ANKIB1: variants seen among roughly 807,000 people sequenced by gnomAD.
ANKIB1 encodes the protein ankyrin repeat and IBR domain containing 1.
Under a neutral mutation model 122.1 loss-of-function variants are expected in ANKIB1, and 43 were observed. The observed-to-expected ratio is 0.35, with a 90% CI of 0.28 to 0.45. ANKIB1 has a LOEUF of 0.45. Ranked by LOEUF, ANKIB1 falls within the 20% of genes least tolerant of loss-of-function variation. The probability of loss-of-function intolerance (pLI) is 1.00; values close to 1 mark genes in which losing one functional copy is unlikely to be tolerated. For synonymous variants in ANKIB1, 390 were observed against 442.0 expected (o/e 0.88, Z 1.48); for missense variants, 992 against 1,329.5 (o/e 0.75, Z 3.95).
rs188752223 is a variant in ANKIB1, at chr7:92,363,790, G to A, written c.1486+1517G>A. Among the ~76,000 whole-genome samples the A allele has an allele frequency of 7.2e-5, 11 of 152,074 alleles. No individual in the cohort carries two copies. The East Asian group carries it at 1.2e-3, about 17-fold the overall frequency. On this transcript the variant is annotated intron_variant, in intron 10 of 19. Transcript: ENST00000265742. ...CTGGTCCTCAGCATTTTAGATCTAC[G>A]AGGGTCATTTTGTCCACTGACTCAG...
At position 92,331,978 on chromosome 7, in the gene ANKIB1, G is replaced by A. The variant is rs544389309; in HGVS notation, c.787+4078G>A. The stretch of plus-strand genomic sequence containing the variant: ...TTTTTATCCCTATTTTTTACACATC[G>A]TATCGTTAAATATTATTAAATGATC... On this transcript the variant is annotated intron_variant, in intron 5 of 19. Coordinates refer to ENST00000265742, the MANE Select transcript of ANKIB1 (RefSeq NM_019004.2). Among the ~76,000 whole-genome samples the A allele has an allele frequency of 6.6e-5, 10 of 152,108 alleles. No individual in the cohort carries two copies. In the South Asian group the frequency reaches 1.0e-3, roughly 16 times the overall value.
intron 11 of ANKIB1, among the ~76,000 whole-genome samples, chr7:92,375,695 G>T (rs936406532): frequency 1.3e-5 from 2 of 152,090 alleles, no homozygotes; most frequent in Non-Finnish European, 2.9e-5. Context: ...TCCTGTTCAT[G>T]TTGATATTTT....
intron 8 of ANKIB1, among the ~76,000 whole-genome samples, chr7:92,351,624 G>A (rs896887225): frequency 6.6e-6 from 1 of 150,848 alleles, no homozygotes; most frequent in South Asian, 2.1e-4. Flanking sequence ...TTTCTTTTGC[G>A]TGTGTGATTT....
rs996605065 is a variant in ANKIB1 at position 92,367,681 on chromosome 7, T to G, written c.1487-3796T>G. ...GCTGAAATCAATTCAAGGAATTAAT[T>G]TCATATAAAGATTTAAATAGTGTTC... On this transcript the variant is annotated intron_variant, in intron 10 of 19. Transcript: ENST00000265742. Among the ~76,000 whole-genome samples, 8 of 152,324 alleles carry G rather than the reference T, an allele frequency of 5.3e-5. No homozygotes were observed. In the East Asian group the frequency reaches 1.5e-3, roughly 29 times the overall value.
intron 1 of ANKIB1, among the ~76,000 whole-genome samples, chr7:92,291,078 GAA>G (rs1186567837): frequency 6.6e-6 from 1 of 152,170 alleles, no homozygotes; most frequent in Non-Finnish European, 1.5e-5. Flanking sequence ...CAGATCACCT[GAA>G]GTCAGGAGTT....
At chr7:92,297,677 T>A (rs1353141187) in intron 2 of ANKIB1, among the ~76,000 whole-genome samples, 4 of 151,890 alleles carry the variant, frequency 2.6e-5, no homozygotes, top group Middle Eastern at 3.4e-3. Context: ...TTTTTTTTTT[T>A]ACAAGTCTCT....
At chr7:92,326,007 A>G (rs1803021021) in intron 4 of ANKIB1, 2 of 425,642 alleles carry the variant, frequency 4.7e-6, no homozygotes, top group South Asian at 3.4e-5. Context: ...GGAAAGAGAA[A>G]GGTACTTTCA....
intron 8 of ANKIB1, 123 bp from the exon 9 acceptor site, chr7:92,352,353 A>T: frequency 9.9e-7 from 1 of 1,013,800 alleles, no homozygotes; most frequent in Middle Eastern, 2.9e-4. Flanking sequence ...TGACAACTCC[A>T]TGCATTTTAT....
chr7:92,297,227 G>C (rs1802373430), intron 2 of ANKIB1, among the ~76,000 whole-genome samples: 1 of 152,188 alleles, frequency 6.6e-6, no homozygotes, highest in Non-Finnish European at 1.5e-5. Context: ...TTGTTGCCCA[G>C]CTAGACGACT....
chr7:92,391,286 C>A lies in ANKIB1; in HGVS notation c.2173C>A (p.Leu725Met). Residue 725 changes from leucine (L) to methionine (M), a missense_variant, in exon 16 of 20, where the codon CTG (leucine) becomes ATG (methionine). Transcript: ENST00000265742. ...CLVQQKRQEF[L>M]ASVARGVAPA... ...TGTACAGCAGAAGAGGCAAGAATTC[C>A]TGGCATCTGTGGCTCGGGGAGTAGC... 1.2e-6 allele frequency: 2 copies of A among 1,613,506 alleles called. No individual in the cohort carries two copies. Among genetic ancestry groups the A allele is most frequent in the Non-Finnish European group, 1.7e-6 (2 of 1,179,640 alleles).
chr7:92,382,969 A>G (rs528553334), intron 11 of ANKIB1, among the ~76,000 whole-genome samples: 3 of 152,342 alleles, frequency 2.0e-5, no homozygotes, highest in Non-Finnish European at 2.9e-5. Context: ...TTTTGAAAAG[A>G]TCAACAAAAT....
Position 92,345,058 on chromosome 7 carries a change from T to C in ANKIB1, c.1077T>C (p.Cys359=). The change falls in exon 7 of 20, where the codon TGT becomes TGC. Residue 359 remains cysteine, a synonymous_variant. Coordinates refer to ENST00000265742, the MANE Select transcript of ANKIB1 (RefSeq NM_019004.2). The part of the protein sequence containing the change: ...MPCGHDFCRG[C]WESFLNLKIQ... ...GTGGACATGACTTTTGTAGAGGATG[T>C]TGGGAGTCGTGAGTATATGAGCACC... 1 of 1,611,922 alleles carries C rather than the reference T, an allele frequency of 6.2e-7. No individual in the cohort carries two copies. Among genetic ancestry groups the C allele is most frequent in the Non-Finnish European group, 8.5e-7 (1 of 1,178,310 alleles).
chr7:92,383,440 A>G (rs1804563829), intron 11 of ANKIB1, among the ~76,000 whole-genome samples: 1 of 152,226 alleles, frequency 6.6e-6, no homozygotes, highest in Non-Finnish European at 1.5e-5. Flanking sequence ...CACAACAAAA[A>G]AAGAGAATTT....
chr7:92,246,548 G>A (rs555201675), intron 1 of ANKIB1, 29 bp downstream of exon 1: 1 of 516,050 alleles, frequency 1.9e-6, no homozygotes, highest in South Asian at 1.4e-5. Context: ...GTACAGATGT[G>A]TTTGAGGCTG....
chr7:92,252,041 C>T (rs1801340107), intron 1 of ANKIB1, among the ~76,000 whole-genome samples: 2 of 152,108 alleles, frequency 1.3e-5, no homozygotes, highest in African/African-American at 4.8e-5. Flanking sequence ...AATTCTTCCT[C>T]ATGATTCCAA....
chr7:92,280,038 A>G lies in ANKIB1; in HGVS notation c.-90-14851A>G, dbSNP rs1801984737. ...GCTTCTCTTTAACTGCAGACATTCT[A>G]GTAGGCAAAAATCATCAGCTATGGA... On this transcript the variant is annotated intron_variant, in intron 1 of 19. Transcript: ENST00000265742. Among the ~76,000 whole-genome samples, 7 of 152,228 alleles carry G rather than the reference A, an allele frequency of 4.6e-5. No homozygotes were observed. In the South Asian group the frequency reaches 1.4e-3, roughly 32 times the overall value.
intron 5 of ANKIB1, among the ~76,000 whole-genome samples, chr7:92,333,284 T>G (rs1461002318): frequency 6.6e-6 from 1 of 152,230 alleles, no homozygotes; most frequent in Admixed American, 6.5e-5. Flanking sequence ...CCTGCATGAC[T>G]GAGCCCCTGC....
intron 4 of ANKIB1, among the ~76,000 whole-genome samples, chr7:92,325,721 T>C (rs1366480329): frequency 6.6e-6 from 1 of 152,150 alleles, no homozygotes; most frequent in Non-Finnish European, 1.5e-5. Context: ...ACAAATACTT[T>C]CATAACTTCT....
chr7:92,372,746 CATTTT>C (rs1441460227), intron 11 of ANKIB1, among the ~76,000 whole-genome samples: 2 of 152,074 alleles, frequency 1.3e-5, no homozygotes, highest in East Asian at 1.9e-4. Context: ...TTATTAATAA[CATTTT>C]ATTAATCCCT....
Sources: gnomAD v4.1 joint callset for allele counts (sites outside exome capture counted in the v4.1 genomes callset) on GRCh38, gnomAD v4.1.1 for gene constraint, MANE v1.5 for transcripts, NCBI Gene and HGNC (gene_info 2026-07-23, HGNC 2026-07-21) for gene names.